SORCS3: variants seen among roughly 807,000 people sequenced by gnomAD.
SORCS3 encodes sortilin related VPS10 domain containing receptor 3.
In SORCS3, 57 loss-of-function variants were observed where a neutral mutation model predicts 146.3. That is an observed-to-expected ratio of 0.39 (90% CI 0.31 to 0.49). The LOEUF (loss-of-function observed/expected upper bound fraction) is 0.49, where lower values mean the gene tolerates loss of function less well. Ranked by LOEUF, SORCS3 falls within the 20% of genes least tolerant of loss-of-function variation. The pLI, the probability that SORCS3 is intolerant of heterozygous loss-of-function variation, is 0.92. For missense variants in SORCS3, 1,341 were observed against 1,575.5 expected, an observed-to-expected ratio of 0.85 and a Z score of 2.52; for synonymous variants, 653 against 618.5, an observed-to-expected ratio of 1.06 and a Z score of -0.83.
At chr10:105,135,522 G>T (rs2133775402) in intron 7 of SORCS3, among the ~76,000 whole-genome samples, 1 of 152,224 alleles carries the variant, frequency 6.6e-6, no homozygotes, top group Non-Finnish European at 1.5e-5. Flanking sequence ...TCTCAAACTT[G>T]CCTTTTTAAA....
chr10:104,700,493 T>G lies in SORCS3; in HGVS notation c.627+58539T>G, dbSNP rs539102652. On this transcript the variant is annotated intron_variant, in intron 1 of 26. Coordinates refer to ENST00000369701, the MANE Select transcript of SORCS3 (RefSeq NM_014978.3). ...ATTCTCTTTCTCTTCCTTTCTTCAT[T>G]TTATCCCTGAAATTGTTGACCCCAC... 1.2e-4 allele frequency among the ~76,000 whole-genome samples: 19 copies of G among 152,318 alleles called. No homozygotes were observed. The East Asian group carries it at 3.7e-3, about 29-fold the overall frequency.
intron 11 of SORCS3, among the ~76,000 whole-genome samples, chr10:105,159,576 T>C (rs1445218337): frequency 6.6e-6 from 1 of 152,220 alleles, no homozygotes; most frequent in Non-Finnish European, 1.5e-5. Flanking sequence ...AGCTAAAGTC[T>C]CCGGGGAGTA....
At chr10:104,844,133 GA>G (rs1353779301) in intron 2 of SORCS3, among the ~76,000 whole-genome samples, 3 of 152,254 alleles carry the variant, frequency 2.0e-5, no homozygotes, top group Admixed American at 1.3e-4. Flanking sequence ...ATTTTCACAG[GA>G]TGTCTAAAAC....
chr10:104,700,714 C>T (rs1386054240), intron 1 of SORCS3, among the ~76,000 whole-genome samples: 3 of 152,062 alleles, frequency 2.0e-5, no homozygotes, highest in African/African-American at 2.4e-5. Context: ...CTGACTGTCA[C>T]GGGGTGGGGC....
intron 2 of SORCS3, among the ~76,000 whole-genome samples, chr10:104,912,931 G>A (rs1289202927): frequency 6.6e-6 from 1 of 152,134 alleles, no homozygotes; most frequent in Non-Finnish European, 1.5e-5. Flanking sequence ...GAGGGTTGGA[G>A]GAAAATTTGC....
rs2056284373 is a variant in SORCS3 at position 105,163,509 on chromosome 10, G to A, written c.1733-794G>A. Among the ~76,000 whole-genome samples, 6 of 152,106 alleles carry A rather than the reference G, an allele frequency of 3.9e-5. No individual in the cohort carries two copies. In the South Asian group the frequency reaches 1.2e-3, roughly 32 times the overall value. On this transcript the variant is annotated intron_variant, in intron 11 of 26. Transcript: ENST00000369701. ...TTTATTGAGCACTATTAGGTTGGGG[G>A]CCTCTTTTAGGCTGTGAGAAGAGGG...
chr10:104,901,327 C>T (rs1314601429), intron 2 of SORCS3, among the ~76,000 whole-genome samples: 2 of 152,166 alleles, frequency 1.3e-5, no homozygotes, highest in Non-Finnish European at 2.9e-5. Flanking sequence ...GTCAAGATCA[C>T]ACAAGTATCT....
intron 1 of SORCS3, among the ~76,000 whole-genome samples, chr10:104,660,918 C>T (rs1381063984): frequency 2.0e-5 from 3 of 152,194 alleles, no homozygotes; most frequent in Admixed American, 6.5e-5. Flanking sequence ...TGGTCAAGTA[C>T]TTACAATGAT....
chr10:104,897,608 T>C (rs187611105), intron 2 of SORCS3, among the ~76,000 whole-genome samples: 5 of 152,364 alleles, frequency 3.3e-5, no homozygotes, highest in Admixed American at 3.3e-4. Context: ...ACGATTCCCC[T>C]GCATCCAACC....
At chr10:104,802,055 G>C (rs1009645856) in intron 1 of SORCS3, among the ~76,000 whole-genome samples, 1 of 152,088 alleles carries the variant, frequency 6.6e-6, no homozygotes, top group African/African-American at 2.4e-5. Flanking sequence ...AAATATTTTG[G>C]TGAGTCATTC....
At position 104,915,864 on chromosome 10, in the gene SORCS3, C is replaced by A. The variant is rs751540331; in HGVS notation, c.727C>A (p.Leu243Met). 1 of 1,613,980 alleles carries A rather than the reference C, an allele frequency of 6.2e-7. No homozygotes were observed. The highest frequency in any genetic ancestry group is 1.3e-5 in the African/African-American group (1 of 74,904). The change falls in exon 3 of 27, where the codon CTG (leucine) becomes ATG (methionine). Residue 243 changes from leucine to methionine, a missense_variant. Physicochemically the swap from Leu to Met is conservative, Grantham distance 15 (BLOSUM62 2). Transcript: ENST00000369701. ...STDYGTTYEK[L>M]NDKVGLKTVL... ...AGATTATGGCACCACCTATGAAAAG[C>A]TGAATGACAAAGTGGGTTTGAAGAC...
chr10:104,863,050 G>GT (rs2018422215), intron 2 of SORCS3, among the ~76,000 whole-genome samples: 3 of 152,178 alleles, frequency 2.0e-5, no homozygotes, highest in Admixed American at 2.0e-4. Flanking sequence ...AAGTAGGTAC[G>GT]TTATACTCTT....
chr10:105,041,040 G>A (rs1173346528), intron 4 of SORCS3, among the ~76,000 whole-genome samples: 1 of 143,642 alleles, frequency 7.0e-6, no homozygotes, highest in East Asian at 2.0e-4. Context: ...TACATTTTTA[G>A]CATATATATA....
At chr10:105,214,365 A>AACAAAC (rs2056652254) in intron 17 of SORCS3, 77 bp from the exon 18 acceptor site, 1 of 1,433,094 alleles carries the variant, frequency 7.0e-7, no homozygotes, top group Non-Finnish European at 9.7e-7. Context: ...TTCCCTTTAT[A>AACAAAC]ACACACACAC....
intron 1 of SORCS3, among the ~76,000 whole-genome samples, chr10:104,759,612 T>G (rs1305083947): frequency 6.6e-6 from 1 of 152,220 alleles, no homozygotes; most frequent in East Asian, 1.9e-4. Flanking sequence ...TGACTTTTTT[T>G]GCCCAAGTTT....
chr10:105,213,762 A>G (rs1023007372), intron 17 of SORCS3, among the ~76,000 whole-genome samples: 2 of 152,156 alleles, frequency 1.3e-5, no homozygotes, highest in Non-Finnish European at 2.9e-5. Context: ...CCTCCTCTAT[A>G]AGATAATTTT....
intron 1 of SORCS3, among the ~76,000 whole-genome samples, chr10:104,726,926 C>G (rs977539049): frequency 2.0e-5 from 3 of 152,194 alleles, no homozygotes; most frequent in East Asian, 1.9e-4. Flanking sequence ...TGCTCCAATA[C>G]CATCTCTAGT....
intron 2 of SORCS3, among the ~76,000 whole-genome samples, chr10:104,855,285 T>G (rs917913569): frequency 1.4e-4 from 22 of 152,218 alleles, no homozygotes; most frequent in African/African-American, 5.3e-4. Context: ...TTCTTCTTTG[T>G]TTTAGCTGTT....
chr10:105,159,270 A>G (rs1190385092), intron 11 of SORCS3, among the ~76,000 whole-genome samples: 1 of 152,204 alleles, frequency 6.6e-6, no homozygotes, highest in Non-Finnish European at 1.5e-5. Flanking sequence ...TAAACTGACC[A>G]ATCAGAATGG....
Sources: allele counts gnomAD v4.1 joint callset (sites outside exome capture counted in the v4.1 genomes callset), GRCh38; gene constraint gnomAD v4.1.1; transcripts MANE v1.5; gene names NCBI Gene and HGNC (gene_info 2026-07-23, HGNC 2026-07-21).